The following SPECC1 variants were observed in gnomAD, a reference collection of about 807,000 sequenced individuals.
SPECC1 encodes the protein sperm antigen with calponin homology and coiled-coil domains 1.
A neutral mutation model predicts 104.1 loss-of-function variants in SPECC1; 62 were observed. That is an observed-to-expected ratio of 0.60 (90% confidence interval 0.49 to 0.74). SPECC1 has a LOEUF of 0.74. Ranked by LOEUF, SPECC1 falls within the 30% of genes least tolerant of loss-of-function variation. SPECC1 has a pLI of 0.00. For missense variants in SPECC1, 1,306 were observed against 1,310.5 expected (o/e 1.00, Z 0.05); for synonymous variants, 513 against 501.6 (o/e 1.02, Z -0.30).
intron 1 of SPECC1, among the ~76,000 whole-genome samples, chr17:20,041,083 G>T (rs994799499): frequency 6.7e-6 from 1 of 149,124 alleles, no homozygotes. Context: ...TTTATTTTTT[G>T]GCCAGTCTAT....
At chr17:20,287,329 A>G (rs1293554088) in intron 12 of SPECC1, among the ~76,000 whole-genome samples, 1 of 149,488 alleles carries the variant, frequency 6.7e-6, no homozygotes, top group Non-Finnish European at 1.5e-5. Flanking sequence ...AGGCAGGAGA[A>G]TGGCGTGAAC....
chr17:20,305,357 A>G (rs191111786), intron 13 of SPECC1, among the ~76,000 whole-genome samples: 78 of 152,312 alleles, frequency 5.1e-4, no homozygotes, highest in African/African-American at 1.8e-3. Flanking sequence ...GGGACAAAAA[A>G]TAGAAGTTCA....
chr17:20,276,641 C>T (rs1399932366), intron 12 of SPECC1, among the ~76,000 whole-genome samples: 4 of 152,114 alleles, frequency 2.6e-5, no homozygotes, highest in African/African-American at 9.7e-5. Context: ...CACCTAGCAG[C>T]GTGGTAAGGT....
At position 20,096,650 on chromosome 17, in the gene SPECC1, G is replaced by C. The variant is rs1567839252; in HGVS notation, c.-2G>C. On this transcript the variant is annotated 5_prime_UTR_variant, in exon 2 of 15. Transcript: ENST00000395527. ...TTGCAGGACAGACCCACGAAGTCAA[G>C]CATGCGGAGTGCAGCCAAGCCCTGG... is the stretch of plus-strand genomic sequence containing the variant. 6.2e-7 allele frequency: 1 copy of C among 1,611,376 alleles called. No individual in the cohort carries two copies. Among genetic ancestry groups the C allele is most frequent in the Non-Finnish European group, 8.5e-7 (1 of 1,178,282 alleles).
chr17:20,157,934 GA>G (rs2032752894), intron 3 of SPECC1, among the ~76,000 whole-genome samples: 1 of 152,154 alleles, frequency 6.6e-6, no homozygotes, highest in Admixed American at 6.6e-5. Flanking sequence ...AAGTAGCTGA[GA>G]CTACAGACAA....
chr17:20,021,404 A>G (rs1202677922), intron 1 of SPECC1, among the ~76,000 whole-genome samples: 4 of 151,996 alleles, frequency 2.6e-5, no homozygotes, highest in Non-Finnish European at 5.9e-5. Context: ...TGGTCTTAAT[A>G]TCCACCACAT....
At chr17:20,188,382 C>T (rs1323878202) in intron 3 of SPECC1, among the ~76,000 whole-genome samples, 1 of 151,906 alleles carries the variant, frequency 6.6e-6, no homozygotes, top group African/African-American at 2.4e-5. Flanking sequence ...TCTAAGCCTC[C>T]GGAGTGGCTG....
intron 1 of SPECC1, among the ~76,000 whole-genome samples, chr17:20,040,600 A>T (rs1049809902): frequency 6.6e-6 from 1 of 152,174 alleles, no homozygotes; most frequent in Non-Finnish European, 1.5e-5. Context: ...TGAATCTAGA[A>T]TTTTGTGTTG....
chr17:20,180,895 C>T (rs2034836716), intron 3 of SPECC1, among the ~76,000 whole-genome samples: 1 of 151,972 alleles, frequency 6.6e-6, no homozygotes, highest in Non-Finnish European at 1.5e-5. Flanking sequence ...GGAGTATTTA[C>T]AGAAGTTGAT....
intron 4 of SPECC1, among the ~76,000 whole-genome samples, chr17:20,212,363 T>TA (rs1033817536): frequency 2.0e-5 from 3 of 152,154 alleles, no homozygotes; most frequent in African/African-American, 7.2e-5. Context: ...ATGCTGCTGA[T>TA]AAAGACATAC....
rs148780519 is a variant in SPECC1 at position 20,231,098 on chromosome 17, T to G, written c.2072-660T>G. Among the ~76,000 whole-genome samples, 7 of 152,262 alleles carry G rather than the reference T, an allele frequency of 4.6e-5. No individual in the cohort carries two copies. In the East Asian group the frequency reaches 9.7e-4, roughly 21 times the overall value. On this transcript the variant is annotated intron_variant, in intron 5 of 14. Transcript: ENST00000395527. ...ACTCTGATAGCCAGATGGAGAGAAT[T>G]GGAGGCAAGGAGAACAAGGGGCTGC...
chr17:20,162,185 G>A (rs961189127), intron 3 of SPECC1, among the ~76,000 whole-genome samples: 5 of 151,642 alleles, frequency 3.3e-5, no homozygotes, highest in South Asian at 2.1e-4. Flanking sequence ...TCGCTCTGTC[G>A]TCCAGGCTGG....
At chr17:20,030,933 C>G (rs532737948) in intron 1 of SPECC1, among the ~76,000 whole-genome samples, 1 of 152,094 alleles carries the variant, frequency 6.6e-6, no homozygotes. Context: ...TCCTGCACAT[C>G]TTTCTCCTCC....
At chr17:20,183,303 C>G (rs543506652) in intron 3 of SPECC1, among the ~76,000 whole-genome samples, 2 of 152,094 alleles carry the variant, frequency 1.3e-5, no homozygotes, top group Non-Finnish European at 2.9e-5. Context: ...TAAAGCAATC[C>G]GGCAATAATT....
intron 1 of SPECC1, among the ~76,000 whole-genome samples, chr17:20,081,739 G>A (rs28603224): frequency 0.5 from 75,381 of 151,850 alleles, 19,279 homozygotes; most frequent in Middle Eastern, 0.61. Context: ...TCAGGATCCC[G>A]TGATGTGTTT....
intron 13 of SPECC1, among the ~76,000 whole-genome samples, chr17:20,303,262 A>G (rs1173768109): frequency 6.6e-6 from 1 of 152,228 alleles, no homozygotes; most frequent in Non-Finnish European, 1.5e-5. Flanking sequence ...TGCTGCCATT[A>G]ATTTGGGCTA....
Position 20,152,398 on chromosome 17 carries a change from A to AG in SPECC1, c.283+41842dup, listed in dbSNP as rs566128828. Among the ~76,000 whole-genome samples, 15 of 152,294 alleles carry AG rather than the reference A, an allele frequency of 9.8e-5. No homozygotes were observed. The South Asian group carries it at 3.1e-3, about 32-fold the overall frequency. On this transcript the variant is annotated intron_variant, in intron 3 of 14. Coordinates refer to ENST00000395527, the MANE Select transcript of SPECC1 (RefSeq NM_001243439.2). ...TGTCTGAGATGTGCAGGCAGACCAA[A>AG]GGGGGGTGATAACAGAGCAAGAATT...
Position 20,239,878 on chromosome 17 carries a change from GTT to G in SPECC1, c.2352-6017_2352-6016del, listed in dbSNP as rs60216339. ...AGCACTTTAATTTGCATTTCGCTGAGTTTTTTTTTTTTTTTTTTTTTTTTTTT... is the reference window on the plus strand; with the variant it reads ...AGCACTTTAATTTGCATTTCGCTGAGTTTTTTTTTTTTTTTTTTTTTTTTT... On this transcript the variant is annotated intron_variant, in intron 7 of 14. Coordinates refer to ENST00000395527, the MANE Select transcript of SPECC1 (RefSeq NM_001243439.2). Among the ~76,000 whole-genome samples, 128 of 36,940 alleles carry G rather than the reference GTT, an allele frequency of 3.5e-3. 3 individuals carry two copies. Among genetic ancestry groups the G allele is most frequent in the African/African-American group, 0.01 (83 of 8,252 alleles). The allele number at this position is 36,940 out of a possible 152,430, so 24.2% of individuals were successfully genotyped here. A position where few individuals can be genotyped will look rare whatever the true frequency, so the allele number is the denominator to read the frequency against.
intron 1 of SPECC1, among the ~76,000 whole-genome samples, chr17:20,069,362 A>C (rs1348319069): frequency 6.6e-6 from 1 of 152,060 alleles, no homozygotes. Flanking sequence ...AATTTTTATG[A>C]AGTCCACTTT....
Sources: allele counts gnomAD v4.1 joint callset (sites outside exome capture counted in the v4.1 genomes callset), GRCh38; gene constraint gnomAD v4.1.1; transcripts MANE v1.5; gene names NCBI Gene and HGNC (gene_info 2026-07-23, HGNC 2026-07-21).